SEC31A: variants seen among roughly 807,000 people sequenced by gnomAD.
SEC31A encodes the protein protein transport protein Sec31A.
Under a neutral mutation model 151.0 loss-of-function variants are expected in SEC31A, and 70 were observed. The ratio of observed to expected loss-of-function variants is 0.46; its 90% CI spans 0.38 to 0.57. The LOEUF (loss-of-function observed/expected upper bound fraction) is 0.57, where lower values mean the gene tolerates loss of function less well. Among genes scored for constraint, SEC31A ranks in the 20% least tolerant of loss-of-function variants. SEC31A has a pLI of 0.00. For synonymous variants in SEC31A, 475 were observed against 505.9 expected (o/e 0.94, Z 0.82); for missense variants, 1,330 against 1,471.2 (o/e 0.90, Z 1.57).
chr4:82,852,258 T>C (rs1731606796), intron 18 of SEC31A, among the ~76,000 whole-genome samples: 1 of 152,208 alleles, frequency 6.6e-6, no homozygotes, highest in Non-Finnish European at 1.5e-5. Flanking sequence ...CCTCTTTTTC[T>C]TTATAAACTA....
intron 13 of SEC31A, 197 bp from the exon 14 acceptor site, chr4:82,861,905 C>CTTTTTTTTTTTTTT (rs33968103): frequency 1.1e-5 from 1 of 89,408 alleles, no homozygotes; most frequent in Non-Finnish European, 2.0e-5. Flanking sequence ...CTTTCCCATT[C>CTTTTTTTTTTTTTT]TTTTTTTTTT....
chr4:82,837,389 A>G (rs1381890502), intron 22 of SEC31A, among the ~76,000 whole-genome samples: 1 of 151,844 alleles, frequency 6.6e-6, no homozygotes, highest in East Asian at 1.9e-4. Context: ...TGAAAAATTA[A>G]TAAAAAGCAA....
At position 82,819,155 on chromosome 4, in the gene SEC31A, G is replaced by T. The variant is rs758115294; in HGVS notation, c.3582C>A (p.Ser1194Arg). 18 of 1,611,902 alleles carry T rather than the reference G, an allele frequency of 1.1e-5. No individual in the cohort carries two copies. In the Admixed American group the frequency reaches 2.8e-4, roughly 25 times the overall value. ...CAGAGGTCTCACTGAAGTTGCTGGT[G>T]CTAACTATGTGGGTATGCATGGTCA... Reference protein sequence around the residue: ...EGLTMHTHIVSTSNFSETSAF... With the variant: ...EGLTMHTHIVRTSNFSETSAF... The change falls in exon 27 of 27, where the codon AGC becomes AGA. Residue 1194 changes from serine to arginine, a missense_variant. Transcript: ENST00000395310.
chr4:82,852,963 A>C (rs1731777397), intron 18 of SEC31A, among the ~76,000 whole-genome samples: 1 of 152,220 alleles, frequency 6.6e-6, no homozygotes, highest in Non-Finnish European at 1.5e-5. Context: ...TGCACAGCCC[A>C]CATAAGGGTT....
intron 25 of SEC31A, 141 bp from the exon 26 acceptor site, chr4:82,821,249 G>A: frequency 1.5e-6 from 1 of 686,590 alleles, no homozygotes; most frequent in Non-Finnish European, 2.5e-6. Flanking sequence ...CTACAACTAA[G>A]AAACTTGAAC....
chr4:82,827,293 T>C, intron 24 of SEC31A, 76 bp downstream of exon 24: 1 of 1,468,182 alleles, frequency 6.8e-7, no homozygotes, highest in Non-Finnish European at 9.2e-7. Context: ...CATGCAATCA[T>C]AAAAGTTAGC....
Position 82,878,907 on chromosome 4 carries a change from C to T in SEC31A, c.225G>A (p.Gly75=), listed in dbSNP as rs111604694. The T allele has an allele frequency of 3.7e-5, 59 of 1,613,138 alleles. No homozygotes were observed. In the Middle Eastern group the frequency reaches 6.6e-4, roughly 18 times the overall value. ...SSHRYHKLIW[G]PYKMDSKGDV... ...CTCCTTTGGAATCCATTTTATAAGG[C>T]CCCCAAATCAACTTGTGGTACCTAC... Residue 75 remains glycine, a synonymous_variant, in exon 4 of 27, where the codon GGG becomes GGA. Transcript: ENST00000395310.
In SEC31A at chr4:82,842,293, G is replaced by A; in HGVS notation, c.2815C>T (p.Pro939Ser). ...QHQASSPTSS[P>S]ATSFPPPPSS... ...GGGGGAGGAGGGAAAGAAGTAGCAG[G>A]GCTGGAGGTAGGTGAAGAGGCCTGG... is the stretch of plus-strand genomic sequence containing the variant. The change falls in exon 22 of 27, where the codon CCT becomes TCT. Residue 939 changes from proline (P) to serine (S), a missense_variant. Pro to Ser is a moderately conservative substitution (Grantham distance 74). Transcript: ENST00000395310. The A allele has an allele frequency of 1.2e-6, 2 of 1,613,814 alleles. No individual in the cohort carries two copies. The highest frequency in any genetic ancestry group is 1.7e-6 in the Non-Finnish European group (2 of 1,179,870).
At position 82,827,939 on chromosome 4, in the gene SEC31A, G is replaced by C. The variant is rs144572893; in HGVS notation, c.3028-307C>G. 3.3e-3 allele frequency among the ~76,000 whole-genome samples: 490 copies of C among 148,894 alleles called. 2 individuals carry two copies. The highest frequency in any genetic ancestry group is 0.011 in the African/African-American group (462 of 40,428). ...ATGGCTTTTTTTTTTTTTTGAGATA[G>C]AGTCCCGCTCTGTCGCCCAGGCTGA... is the stretch of plus-strand genomic sequence containing the variant. On this transcript the variant is annotated intron_variant, in intron 23 of 26. Coordinates refer to ENST00000395310, the MANE Select transcript of SEC31A (RefSeq NM_001077207.4).
Position 82,827,590 on chromosome 4 carries a change from T to C in SEC31A, c.3070A>G (p.Ile1024Val), listed in dbSNP as rs768888266. ...TGGGGGTCACCCAACGGGTTCATGA[T>C]TGGTGATGTGATGGGAACAGGAGGC... ...FMPPVPITSPIMNPLGDPQSQ... is the reference protein window; with the variant it reads ...FMPPVPITSPVMNPLGDPQSQ... Residue 1024 changes from isoleucine to valine, a missense_variant, in exon 24 of 27, where the codon ATC becomes GTC. Coordinates refer to ENST00000395310, the MANE Select transcript of SEC31A (RefSeq NM_001077207.4). 8 of 1,614,090 alleles carry C rather than the reference T, an allele frequency of 5.0e-6. No homozygotes were observed. The highest frequency in any genetic ancestry group is 1.3e-5 in the African/African-American group (1 of 74,940).
intron 19 of SEC31A, among the ~76,000 whole-genome samples, chr4:82,849,752 G>GA (rs35610174): frequency 0.21 from 31,429 of 151,834 alleles, 3,349 homozygotes; most frequent in South Asian, 0.34. Context: ...ATTAAGATGT[G>GA]AAATTCAGAT....
upstream of SEC31A, chr4:82,891,272 C>T (rs1306148827): frequency 1.6e-6 from 2 of 1,216,344 alleles, no homozygotes; most frequent in African/African-American, 1.5e-5. Context: ...CCCCGCCCAC[C>T]CGACGCACAG....
At chr4:82,888,384 A>G (rs1324315175) in intron 1 of SEC31A, among the ~76,000 whole-genome samples, 340 of 2,858 alleles carry the variant, frequency 0.12, 20 homozygotes, top group African/African-American at 0.24. Context: ...CACACAAAAA[A>G]CATATATATA....
chr4:82,891,190 C>A, upstream of SEC31A: 1 of 1,533,806 alleles, frequency 6.5e-7, no homozygotes, highest in Non-Finnish European at 8.7e-7. Context: ...GCCACCTCCA[C>A]GTTCCGTTCC....
At chr4:82,889,377 C>A (rs559190588) in intron 1 of SEC31A, among the ~76,000 whole-genome samples, 1 of 151,916 alleles carries the variant, frequency 6.6e-6, no homozygotes, top group African/African-American at 2.4e-5. Flanking sequence ...CGCAGTGAGA[C>A]CCCCATCTCT....
intron 8 of SEC31A, among the ~76,000 whole-genome samples, chr4:82,868,153 G>C (rs1412157284): frequency 1.3e-5 from 2 of 152,148 alleles, no homozygotes; most frequent in African/African-American, 4.8e-5. Flanking sequence ...ACAGAATTCG[G>C]CATTAACAGC....
intron 11 of SEC31A, among the ~76,000 whole-genome samples, chr4:82,863,889 G>C (rs1734711423): frequency 6.6e-6 from 1 of 152,060 alleles, no homozygotes. Flanking sequence ...AGACATTCCA[G>C]TGGAGGCAAA....
chr4:82,872,224 G>T, intron 6 of SEC31A, 138 bp from the exon 7 acceptor site: 1 of 699,246 alleles, frequency 1.4e-6, no homozygotes, highest in Non-Finnish European at 2.4e-6. Context: ...TCTATTTATT[G>T]TCAGCCAGGC....
intron 22 of SEC31A, among the ~76,000 whole-genome samples, chr4:82,831,964 G>A (rs1475769138): frequency 2.6e-5 from 4 of 152,266 alleles, no homozygotes; most frequent in Middle Eastern, 3.4e-3. Flanking sequence ...AATCAGTATC[G>A]TGAAAATGGC....
Sources: gnomAD v4.1 joint callset for allele counts (sites outside exome capture counted in the v4.1 genomes callset) on GRCh38, gnomAD v4.1.1 for gene constraint, MANE v1.5 for transcripts, NCBI Gene and HGNC (gene_info 2026-07-23, HGNC 2026-07-21) for gene names.